The following SEH1L variants were observed in gnomAD, a reference collection of about 807,000 sequenced individuals.
SEH1L encodes the protein nucleoporin SEH1.
A neutral mutation model predicts 49.5 loss-of-function variants in SEH1L; 18 were observed. That is an observed-to-expected ratio of 0.36 (90% CI 0.25 to 0.54). The LOEUF is 0.54. Ranked by LOEUF, SEH1L falls within the 20% of genes least tolerant of loss-of-function variation. The pLI, the probability that SEH1L is intolerant of heterozygous loss-of-function variation, is 0.87. For synonymous variants in SEH1L, 169 were observed against 178.1 expected (o/e 0.95, Z 0.41); for missense variants, 404 against 528.8 (o/e 0.76, Z 2.31).
chr18:12,970,595 A>C (rs1167526715), intron 4 of SEH1L, among the ~76,000 whole-genome samples: 1 of 149,716 alleles, frequency 6.7e-6, no homozygotes, highest in Non-Finnish European at 1.5e-5. Context: ...AATTAAACAA[A>C]TTTTTTTTTT....
intron 3 of SEH1L, among the ~76,000 whole-genome samples, chr18:12,956,790 C>G (rs2030888874): frequency 1.3e-5 from 2 of 151,276 alleles, no homozygotes; most frequent in African/African-American, 2.4e-5. Flanking sequence ...CGTAACCAAC[C>G]TTTGAAACAA....
chr18:12,951,811 G>A, intron 1 of SEH1L, 44 bp from the exon 2 acceptor site: 1 of 1,191,606 alleles, frequency 8.4e-7, no homozygotes, highest in Non-Finnish European at 1.2e-6. Context: ...GTATCAATTT[G>A]TAGGAATTTT....
At chr18:12,951,826 TA>T (rs1176146757) in intron 1 of SEH1L, 28 bp from the exon 2 acceptor site, 1 of 1,447,122 alleles carries the variant, frequency 6.9e-7, no homozygotes, top group Non-Finnish European at 9.6e-7. Context: ...AATTTTTGTA[TA>T]AAATATCTGC....
chr18:12,958,306 G>A (rs1368841270), intron 3 of SEH1L, among the ~76,000 whole-genome samples: 3 of 151,586 alleles, frequency 2.0e-5, no homozygotes, highest in African/African-American at 7.3e-5. Context: ...GGCTGGTCAC[G>A]AACTCCTGAT....
In SEH1L at chr18:12,984,086, T is replaced by C; in HGVS notation, c.966T>C (p.Asn322=). ...AGTGTACTGGTATTTTGAAAGGTAA[T>C]GGGAGCCCAGTCAATGGGAGTTCTC... The part of the protein sequence containing the change: ...NWKCTGILKG[N]GSPVNGSSQQ... Residue 322 remains asparagine (N), a synonymous_variant, in exon 8 of 9, where the codon AAT becomes AAC. Coordinates refer to ENST00000399892, the MANE Select transcript of SEH1L (RefSeq NM_001013437.2). 2 of 1,613,910 alleles carry C rather than the reference T, an allele frequency of 1.2e-6. No homozygotes were observed. The highest frequency in any genetic ancestry group is 1.7e-6 in the Non-Finnish European group (2 of 1,179,756).
At chr18:12,970,385 C>G (rs1054032451) in intron 4 of SEH1L, among the ~76,000 whole-genome samples, 6 of 152,092 alleles carry the variant, frequency 3.9e-5, no homozygotes, top group Admixed American at 2.6e-4. Flanking sequence ...CAGGGGTAGT[C>G]TTTTCCACTT....
At chr18:12,986,432 T>TA (rs890099602) in intron 8 of SEH1L, 161 of 984,156 alleles carry the variant, frequency 1.6e-4, no homozygotes, top group Middle Eastern at 5.2e-4. Context: ...ATGTACGCAC[T>TA]AAAAAAAATG....
intron 8 of SEH1L, chr18:12,986,012 G>T (rs2032443441): frequency 1.5e-5 from 14 of 914,596 alleles, no homozygotes; most frequent in South Asian, 1.0e-4. Flanking sequence ...TATTTTTATG[G>T]TGTTATTTAT....
At chr18:12,957,960 C>T (rs554457184) in intron 3 of SEH1L, among the ~76,000 whole-genome samples, 18 of 151,792 alleles carry the variant, frequency 1.2e-4, no homozygotes, top group Middle Eastern at 3.4e-3. Context: ...CCTCTCACCT[C>T]GGCCTCCCAA....
intron 3 of SEH1L, among the ~76,000 whole-genome samples, chr18:12,961,231 G>A (rs1229039606): frequency 6.6e-6 from 1 of 152,170 alleles, no homozygotes; most frequent in African/African-American, 2.4e-5. Context: ...GATCAGTTAA[G>A]CTCCACCATT....
Position 12,948,151 on chromosome 18 carries a change from C to T in SEH1L, c.30C>T (p.Asp10=). The T allele has an allele frequency of 1.9e-6, 3 of 1,609,936 alleles. No homozygotes were observed. Among genetic ancestry groups the T allele is most frequent in the Non-Finnish European group, 2.5e-6 (3 of 1,178,850 alleles). The change falls in exon 1 of 9, where the codon GAC becomes GAT. Residue 10 remains aspartate, a synonymous_variant. Transcript: ENST00000399892. ...TTGTGGCTCGCAGCATCGCGGCGGA[C>T]CACAAGGATCTCATCCACGATGTCT... MFVARSIAA[D]HKDLIHDVSF...
chr18:12,948,297 C>G, intron 1 of SEH1L, 65 bp downstream of exon 1: 1 of 1,128,442 alleles, frequency 8.9e-7, no homozygotes, highest in Non-Finnish European at 1.3e-6. Flanking sequence ...GTGGGCGGCG[C>G]GGGGAACGGG....
chr18:12,953,244 G>A (rs1043345168), intron 2 of SEH1L, among the ~76,000 whole-genome samples: 3 of 152,234 alleles, frequency 2.0e-5, no homozygotes, highest in East Asian at 1.9e-4. Flanking sequence ...ATATTGCCAC[G>A]TTTTGTTTGT....
intron 8 of SEH1L, chr18:12,986,146 A>C: frequency 1.0e-6 from 1 of 984,714 alleles, no homozygotes; most frequent in Non-Finnish European, 1.2e-6. Context: ...GATTTTCTTA[A>C]TTTAGTTCGC....
At chr18:12,966,377 C>T (rs1232562679) in intron 4 of SEH1L, among the ~76,000 whole-genome samples, 2 of 152,002 alleles carry the variant, frequency 1.3e-5, no homozygotes, top group Admixed American at 6.5e-5. Context: ...CAGGCGTGAG[C>T]CACCGCACCC....
intron 4 of SEH1L, among the ~76,000 whole-genome samples, chr18:12,969,008 C>T (rs917696393): frequency 2.0e-5 from 3 of 151,962 alleles, no homozygotes; most frequent in Non-Finnish European, 2.9e-5. Context: ...GTCGGGAGTT[C>T]GAGACCAGTC....
intron 4 of SEH1L, among the ~76,000 whole-genome samples, chr18:12,965,552 A>T (rs1228333024): frequency 6.6e-6 from 1 of 152,222 alleles, no homozygotes; most frequent in African/African-American, 2.4e-5. Flanking sequence ...TCCATGCTTA[A>T]TTGATAGTTT....
chr18:12,979,462 C>G (rs1388257223), intron 6 of SEH1L, among the ~76,000 whole-genome samples: 76 of 151,608 alleles, frequency 5.0e-4, no homozygotes, highest in Non-Finnish European at 8.4e-4. Context: ...TCTCCCATGT[C>G]TACTTCTTTC....
rs113967767 is a variant in SEH1L, at chr18:12,956,843, A to G, written c.309+1234A>G. Among the ~76,000 whole-genome samples the G allele has an allele frequency of 9.3e-3, 1,406 of 151,968 alleles. 24 individuals carry two copies. Among genetic ancestry groups the G allele is most frequent in the East Asian group, 0.04 (204 of 5,152 alleles). On this transcript the variant is annotated intron_variant, in intron 3 of 8. Coordinates refer to ENST00000399892, the MANE Select transcript of SEH1L (RefSeq NM_001013437.2). ...CATTTTACTTGCAAATTCTTTCTACAGAAAATACCCACCTAATAAAATAAA... is the reference window on the plus strand; with the variant it reads ...CATTTTACTTGCAAATTCTTTCTACGGAAAATACCCACCTAATAAAATAAA...
Sources: allele counts gnomAD v4.1 joint callset (sites outside exome capture counted in the v4.1 genomes callset), GRCh38; gene constraint gnomAD v4.1.1; transcripts MANE v1.5; gene names NCBI Gene and HGNC (gene_info 2026-07-23, HGNC 2026-07-21).